The following HDAC10 variants were observed in gnomAD, a reference collection of about 807,000 sequenced individuals.
HDAC10 encodes the protein polyamine deacetylase HDAC10.
In HDAC10, 90 loss-of-function variants were observed where a neutral mutation model predicts 82.3. That is an observed-to-expected ratio of 1.09 (90% CI 0.92 to 1.30). The LOEUF (loss-of-function observed/expected upper bound fraction) is 1.30. Ranked by LOEUF, HDAC10 falls within the 50% of genes most tolerant of loss-of-function variation. The pLI, the probability that HDAC10 is intolerant of heterozygous loss-of-function variation, is 0.00. For synonymous variants in HDAC10, 456 were observed against 391.7 expected (o/e 1.16, Z -1.94); for missense variants, 934 against 876.3 (o/e 1.07, Z -0.83).
In HDAC10 at chr22:50,246,109, G is replaced by A. The variant is rs201764305; in HGVS notation, c.1651-17C>T. 19 of 1,588,806 alleles carry A rather than the reference G, an allele frequency of 1.2e-5. No homozygotes were observed. Among genetic ancestry groups the A allele is most frequent in the Non-Finnish European group, 1.7e-6 (2 of 1,165,050 alleles). On this transcript the variant is annotated splice_polypyrimidine_tract_variant and intron_variant, in intron 17 of 19. Transcript: ENST00000216271. ...ACCGGTCATCTGTGGGGACAGCAGAGCCCAGCTCCTCATCTACGGACACCT... is the reference window on the plus strand; with the variant it reads ...ACCGGTCATCTGTGGGGACAGCAGAACCCAGCTCCTCATCTACGGACACCT...
intron 13 of HDAC10, 38 bp from the exon 14 acceptor site, chr22:50,247,814 G>A (rs1232192476): frequency 6.2e-7 from 1 of 1,612,552 alleles, no homozygotes; most frequent in South Asian, 1.1e-5. Context: ...CAGACACGGA[G>A]TGACCGCAGG....
At position 50,249,333 on chromosome 22, in the gene HDAC10, T is replaced by G. The variant is rs751893888; in HGVS notation, c.685A>C (p.Asn229His). 7.3e-5 allele frequency: 118 copies of G among 1,608,382 alleles called. No homozygotes were observed. The highest frequency in any genetic ancestry group is 9.7e-5 in the Non-Finnish European group (114 of 1,178,124). The change falls in exon 7 of 20, where the codon AAC (asparagine) becomes CAC (histidine). Residue 229 changes from asparagine (N) to histidine (H), a missense_variant. Transcript: ENST00000216271. The surrounding 1 kb of genome is among the most constrained non-coding windows in gnomAD (Gnocchi z 4.4). ...TGGGGCTTGAGGGTGGGCACCTGGT[T>G]CCAGGGCAGGTTGACAGTGAAGCCG... is the stretch of plus-strand genomic sequence containing the variant. ...GLGFTVNLPW[N>H]QVGMGNADYV...
At chr22:50,247,113 G>C (rs1184180825) in intron 14 of HDAC10, 147 bp from the exon 15 acceptor site, 1 of 511,942 alleles carries the variant, frequency 2.0e-6, no homozygotes, top group Non-Finnish European at 3.5e-6. Context: ...CTCCATTTCT[G>C]TAAATAAGAT....
chr22:50,249,711 C>T lies in HDAC10; in HGVS notation c.495-8G>A, dbSNP rs1312657231. 1 of 1,612,660 alleles carries T rather than the reference C, an allele frequency of 6.2e-7. No individual in the cohort carries two copies. The highest frequency in any genetic ancestry group is 2.2e-5 in the East Asian group (1 of 44,850). On this transcript the variant is annotated splice_region_variant and splice_polypyrimidine_tract_variant and intron_variant, in intron 5 of 19. Transcript: ENST00000216271. This position sits in a 1 kb window ranked among gnomAD's most constrained non-coding sequence, Gnocchi z 4.4. ...CAGTCCACGACGAGGATCCTGGGTA[C>T]AGACAGCGCTGGTGGCAAAGGGGCA...
intron 14 of HDAC10, 107 bp downstream of exon 14, chr22:50,247,585 G>C: frequency 1.3e-6 from 1 of 772,552 alleles, no homozygotes; most frequent in Admixed American, 2.4e-5. Flanking sequence ...ACATCCATGT[G>C]GTTCTGCACC....
rs1459853283 is a variant in HDAC10, at chr22:50,250,124, C to T, written c.328G>A (p.Gly110Arg). The change falls in exon 4 of 20, where the codon GGA becomes AGA. Residue 110 changes from glycine to arginine, a missense_variant. Transcript: ENST00000216271. ...AGCACAGCGTCCACCAGCTGCAGTC[C>T]AGCCCCTGCGGCCAGCCGCGCGCAG... Reference protein sequence around the residue: ...FHCARLAAGAGLQLVDAVLTG... With the variant: ...FHCARLAAGARLQLVDAVLTG... 1.2e-6 allele frequency: 2 copies of T among 1,612,686 alleles called. No homozygotes were observed. Among genetic ancestry groups the T allele is most frequent in the Non-Finnish European group, 8.5e-7 (1 of 1,179,962 alleles).
chr22:50,249,115 T>C lies in HDAC10; in HGVS notation c.744A>G (p.Pro248=). Residue 248 remains proline, a synonymous_variant, in exon 8 of 20, where the codon CCA becomes CCG. Coordinates refer to ENST00000216271, the MANE Select transcript of HDAC10 (RefSeq NM_032019.6). This position sits in a 1 kb window ranked among gnomAD's most constrained non-coding sequence, Gnocchi z 4.4. ...TCCGTGCAGTCACCTCAAAGGCCAGTGGGAGCAGCAGGTGCAGGAAGGCAG... is the reference window on the plus strand; with the variant it reads ...TCCGTGCAGTCACCTCAAAGGCCAGCGGGAGCAGCAGGTGCAGGAAGGCAG... ...YVAAFLHLLL[P]LAFEFDPELV... 1.2e-6 allele frequency: 2 copies of C among 1,600,690 alleles called. No homozygotes were observed. The highest frequency in any genetic ancestry group is 1.7e-6 in the Non-Finnish European group (2 of 1,174,374).
chr22:50,248,142 A>T lies in HDAC10; in HGVS notation c.1085T>A (p.Val362Glu). Residue 362 changes from valine (V) to glutamate (E), a missense_variant, in exon 13 of 20, where the codon GTG (valine) becomes GAG (glutamate). By Grantham distance (121) the Val-to-Glu change is moderately radical. Coordinates refer to ENST00000216271, the MANE Select transcript of HDAC10 (RefSeq NM_032019.6). The surrounding 1 kb of genome is among the most constrained non-coding windows in gnomAD (Gnocchi z 5.4). ...GCTGGGGCTCATCGGCACAGCGGTC[A>T]CATCTAGGGACAGTTCGGAGTCATA... ...PHWKSLQQQD[V>E]TAVPMSPSSH... 4.4e-6 allele frequency: 7 copies of T among 1,582,582 alleles called. No individual in the cohort carries two copies. Among genetic ancestry groups the T allele is most frequent in the Non-Finnish European group, 6.0e-6 (7 of 1,162,618 alleles).
In HDAC10 at chr22:50,248,512, A is replaced by G; in HGVS notation, c.907-40T>C. On this transcript the variant is annotated intron_variant, in intron 10 of 19. Transcript: ENST00000216271. The surrounding 1 kb of genome is among the most constrained non-coding windows in gnomAD (Gnocchi z 5.4). ...GAGACATGATTGGGGCAGAGATATCACTGGGATGGGATGTCACCGGGAGAG... is the reference window on the plus strand; with the variant it reads ...GAGACATGATTGGGGCAGAGATATCGCTGGGATGGGATGTCACCGGGAGAG... The G allele has an allele frequency of 6.4e-7, 1 of 1,567,658 alleles. No homozygotes were observed. Among genetic ancestry groups the G allele is most frequent in the Non-Finnish European group, 8.7e-7 (1 of 1,155,486 alleles).
Position 50,248,717 on chromosome 22 carries a change from T to A in HDAC10, c.851A>T (p.His284Leu), listed in dbSNP as rs1215834500. 6.4e-7 allele frequency: 1 copy of A among 1,562,946 alleles called. No individual in the cohort carries two copies. Among genetic ancestry groups the A allele is most frequent in the Admixed American group, 1.9e-5 (1 of 53,690 alleles). ...CAGCACCTGCAGCAGCTGTGTGAGG[T>A]GGGCGAAGCACTCTGGCGTGGCCTG... is the stretch of plus-strand genomic sequence containing the variant. ...QMQATPECFAHLTQLLQVLAG... is the reference protein window; with the variant it reads ...QMQATPECFALLTQLLQVLAG... Residue 284 changes from histidine to leucine, a missense_variant, in exon 10 of 20, where the codon CAC (histidine) becomes CTC (leucine). Coordinates refer to ENST00000216271, the MANE Select transcript of HDAC10 (RefSeq NM_032019.6). The surrounding 1 kb of genome is among the most constrained non-coding windows in gnomAD (Gnocchi z 5.4).
In HDAC10 at chr22:50,246,663, G is replaced by A; in HGVS notation, c.1571+16C>T. On this transcript the variant is annotated intron_variant, in intron 16 of 19. Transcript: ENST00000216271. ...CACATGCATGGCTGGACATATGCAAGACCTGAGAGTCCTACCCGTCATGGG... is the reference window on the plus strand; with the variant it reads ...CACATGCATGGCTGGACATATGCAAAACCTGAGAGTCCTACCCGTCATGGG... 1.2e-6 allele frequency: 2 copies of A among 1,610,270 alleles called. No homozygotes were observed. Among genetic ancestry groups the A allele is most frequent in the Non-Finnish European group, 1.7e-6 (2 of 1,179,114 alleles).
chr22:50,245,711 C>T lies in HDAC10; in HGVS notation c.1950G>A (p.Leu650=), dbSNP rs755739099. 3 of 1,613,222 alleles carry T rather than the reference C, an allele frequency of 1.9e-6. No homozygotes were observed. The highest frequency in any genetic ancestry group is 4.5e-5 in the East Asian group (2 of 44,870). Residue 650 remains leucine, a synonymous_variant, in exon 19 of 20, where the codon CTG becomes CTA. Coordinates refer to ENST00000216271, the MANE Select transcript of HDAC10 (RefSeq NM_032019.6). Reference sequence around the variant, plus strand: ...TCCACTGAGGCTCCAGCTGCCCTCTCAGGTACATCAGGGCCTGGACGTCCT... The same window carrying T: ...TCCACTGAGGCTCCAGCTGCCCTCTTAGGTACATCAGGGCCTGGACGTCCT... ...SPEDVQALMY[L]RGQLEPQWKM...
At position 50,248,158 on chromosome 22, in the gene HDAC10, C is replaced by G. The variant is rs371391246; in HGVS notation, c.1082-13G>C. 6 of 1,590,238 alleles carry G rather than the reference C, an allele frequency of 3.8e-6. No individual in the cohort carries two copies. The highest frequency in any genetic ancestry group is 4.5e-5 in the East Asian group (2 of 44,686). On this transcript the variant is annotated splice_polypyrimidine_tract_variant and intron_variant, in intron 12 of 19. Coordinates refer to ENST00000216271, the MANE Select transcript of HDAC10 (RefSeq NM_032019.6). This position sits in a 1 kb window ranked among gnomAD's most constrained non-coding sequence, Gnocchi z 5.4. ...ACAGCGGTCACATCTAGGGACAGTT[C>G]GGAGTCATAGCCACTGCACAGGAGC...
In HDAC10 at chr22:50,249,369, C is replaced by G; in HGVS notation, c.649G>C (p.Gly217Arg). ...RESDADAVGRGQGLGFTVNLP... is the reference protein window; with the variant it reads ...RESDADAVGRRQGLGFTVNLP... ...TTGACAGTGAAGCCGAGGCCCTGTC[C>G]CCGCCCCACTGCGTCTGCATCTGAC... is the stretch of plus-strand genomic sequence containing the variant. The change falls in exon 7 of 20, where the codon GGA becomes CGA. Residue 217 changes from glycine (G) to arginine (R), a missense_variant. By Grantham distance (125) the Gly-to-Arg change is moderately radical. Transcript: ENST00000216271. The surrounding 1 kb of genome is among the most constrained non-coding windows in gnomAD (Gnocchi z 4.4). The G allele has an allele frequency of 6.2e-7, 1 of 1,612,502 alleles. No homozygotes were observed. The highest frequency in any genetic ancestry group is 8.5e-7 in the Non-Finnish European group (1 of 1,179,878).
In HDAC10 at chr22:50,248,347, G is replaced by A. The variant is rs373203148; in HGVS notation, c.1013+19C>T. 36 of 1,610,944 alleles carry A rather than the reference G, an allele frequency of 2.2e-5. No individual in the cohort carries two copies. The South Asian group carries it at 2.3e-4, about 10-fold the overall frequency. On this transcript the variant is annotated intron_variant, in intron 11 of 19. Transcript: ENST00000216271. The surrounding 1 kb of genome is among the most constrained non-coding windows in gnomAD (Gnocchi z 5.4). The stretch of plus-strand genomic sequence containing the variant: ...CTGGTCTCACACCCCGGCCCTGCCC[G>A]CCCTACCTCCCCTCGCACCTCTGAC...
chr22:50,248,861 T>C lies in HDAC10; in HGVS notation c.786A>G (p.Ala262=). ...GGTCCCCGATGGCTGAGTCAAATCC[T>C]GCCGAGACCAGCACCAGCTCAGGGT... ...EFDPELVLVS[A]GFDSAIGDPE... Residue 262 remains alanine, a synonymous_variant, in exon 9 of 20, where the codon GCA becomes GCG. Coordinates refer to ENST00000216271, the MANE Select transcript of HDAC10 (RefSeq NM_032019.6). This position sits in a 1 kb window ranked among gnomAD's most constrained non-coding sequence, Gnocchi z 5.4. The C allele has an allele frequency of 6.2e-7, 1 of 1,611,600 alleles. No homozygotes were observed. The highest frequency in any genetic ancestry group is 8.5e-7 in the Non-Finnish European group (1 of 1,179,494).
At position 50,245,937 on chromosome 22, in the gene HDAC10, C is replaced by T. The variant is rs1260128875; in HGVS notation, c.1806G>A (p.Gly602=). 5 of 1,591,930 alleles carry T rather than the reference C, an allele frequency of 3.1e-6. No homozygotes were observed. Among genetic ancestry groups the T allele is most frequent in the Non-Finnish European group, 4.3e-6 (5 of 1,170,204 alleles). ...CCTCCAGGAGGGCCAGGACTCGGCCCCCTGCCAGCCCCCGAAGCATTGCAG... is the reference window on the plus strand; with the variant it reads ...CCTCCAGGAGGGCCAGGACTCGGCCTCCTGCCAGCCCCCGAAGCATTGCAG... ...LLAAMLRGLA[G]GRVLALLEEN... Residue 602 remains glycine, a synonymous_variant, in exon 18 of 20, where the codon GGG becomes GGA. Transcript: ENST00000216271.
chr22:50,248,101 C>G lies in HDAC10; in HGVS notation c.1126G>C (p.Gly376Arg). ...CCAGGCAGCAGAGGTGGAGGCCTCC[C>G]CTCTGGGGAGTGGCTGCTGGGGCTC... is the stretch of plus-strand genomic sequence containing the variant. ...PMSPSSHSPE[G>R]RPPPLLPGGP... Residue 376 changes from glycine to arginine, a missense_variant, in exon 13 of 20, where the codon GGG (glycine) becomes CGG (arginine). By Grantham distance (125) the Gly-to-Arg change is moderately radical. Transcript: ENST00000216271. The surrounding 1 kb of genome is among the most constrained non-coding windows in gnomAD (Gnocchi z 5.4). 6.3e-7 allele frequency: 1 copy of G among 1,593,678 alleles called. No homozygotes were observed. Among genetic ancestry groups the G allele is most frequent in the Non-Finnish European group, 8.6e-7 (1 of 1,168,306 alleles).
In HDAC10 at chr22:50,250,779, C is replaced by T; in HGVS notation, c.186G>A (p.Leu62=). The part of the protein sequence containing the change: ...AREASEEELG[L]VHSPEYVSLV... ...CCTGCCCCCGTCCTGACCTGTGCAC[C>T]AGGCCCAGCTCCTCTTCCGAGGCCT... The change falls in exon 2 of 20, where the codon CTG becomes CTA. Residue 62 remains leucine, a synonymous_variant. Coordinates refer to ENST00000216271, the MANE Select transcript of HDAC10 (RefSeq NM_032019.6). 6.3e-7 allele frequency: 1 copy of T among 1,598,368 alleles called. No homozygotes were observed. The highest frequency in any genetic ancestry group is 8.5e-7 in the Non-Finnish European group (1 of 1,173,566).
Sources: gnomAD v4.1 joint callset for allele counts on GRCh38, gnomAD v4.1.1 for gene constraint, Gnocchi (gnomAD v3.1) non-coding constraint, MANE v1.5 for transcripts, NCBI Gene and HGNC (gene_info 2026-07-23, HGNC 2026-07-21) for gene names.